The following TRAM1 variants were observed in gnomAD, a reference collection of about 807,000 sequenced individuals.
TRAM1 encodes the protein translocating chain-associated membrane protein 1.
Under a neutral mutation model 48.7 loss-of-function variants are expected in TRAM1, and 17 were observed. That is an observed-to-expected ratio of 0.35 (90% CI 0.24 to 0.52). The LOEUF is 0.52. Among genes scored for constraint, TRAM1 ranks in the 20% least tolerant of loss-of-function variants. The probability of loss-of-function intolerance (pLI) is 0.94; values close to 1 mark genes in which losing one functional copy is unlikely to be tolerated. For synonymous variants in TRAM1, 182 were observed against 154.0 expected, an observed-to-expected ratio of 1.18 and a Z score of -1.34; for missense variants, 351 against 441.5, an observed-to-expected ratio of 0.79 and a Z score of 1.84.
At chr8:70,587,047 A>T in intron 7 of TRAM1, 48 bp from the exon 8 acceptor site, 1 of 1,611,030 alleles carries the variant, frequency 6.2e-7, no homozygotes, top group Non-Finnish European at 8.5e-7. Flanking sequence ...ATCAATTAAG[A>T]CAGGTCAGCA....
rs1817008701 is a variant in TRAM1, at chr8:70,578,514, C to T, written c.1052-3509G>A. ...GTGGCATGGTGACATGTGCTTGTAG[C>T]CCCAGCTACTCAGGAGGCTGAGGTG... On this transcript the variant is annotated intron_variant, in intron 10 of 10. Transcript: ENST00000262213. 2.0e-5 allele frequency among the ~76,000 whole-genome samples: 3 copies of T among 152,286 alleles called. 1 individual carries two copies. The highest frequency in any genetic ancestry group is 3.9e-4 in the East Asian group (2 of 5,170).
chr8:70,586,278 T>TGGGGGGG (rs57676521), intron 8 of TRAM1, among the ~76,000 whole-genome samples: 1 of 87,946 alleles, frequency 1.1e-5, no homozygotes, highest in African/African-American at 4.7e-5. Flanking sequence ...TGTTGTGGGG[T>TGGGGGGG]GGGGGAGGGG....
Position 70,582,240 on chromosome 8 carries a change from T to C in TRAM1, c.1051+924A>G, listed in dbSNP as rs186186478. On this transcript the variant is annotated intron_variant, in intron 10 of 10. Transcript: ENST00000262213. The stretch of plus-strand genomic sequence containing the variant: ...AATCGATCTACAGATTTGATGTTAT[T>C]TCAACTTAATATCCCAGCAACTTTT... Among the ~76,000 whole-genome samples, 40 of 152,228 alleles carry C rather than the reference T, an allele frequency of 2.6e-4. 1 individual carries two copies. Among genetic ancestry groups the C allele is most frequent in the African/African-American group, 9.4e-4 (39 of 41,552 alleles).
chr8:70,600,309 A>C (rs1383168808), intron 1 of TRAM1, among the ~76,000 whole-genome samples: 1 of 152,216 alleles, frequency 6.6e-6, no homozygotes, highest in Non-Finnish European at 1.5e-5. Flanking sequence ...TTCATCCTTA[A>C]TTTTAAGATT....
intron 6 of TRAM1, among the ~76,000 whole-genome samples, chr8:70,588,157 C>T (rs1817266783): frequency 6.6e-6 from 1 of 152,082 alleles, no homozygotes; most frequent in Admixed American, 6.6e-5. Context: ...TTCGAGGTTA[C>T]AGTAAGCTAT....
intron 1 of TRAM1, among the ~76,000 whole-genome samples, chr8:70,602,671 T>C (rs1331359242): frequency 6.6e-6 from 1 of 152,150 alleles, no homozygotes; most frequent in Non-Finnish European, 1.5e-5. Context: ...GGAAAGGAGA[T>C]GGCCAGGGAA....
At chr8:70,588,344 G>C (rs550632753) in intron 6 of TRAM1, among the ~76,000 whole-genome samples, 1 of 152,294 alleles carries the variant, frequency 6.6e-6, no homozygotes, top group East Asian at 1.9e-4. Flanking sequence ...CCAGCACTTT[G>C]GGAGGCTGAG....
chr8:70,583,072 A>T (rs1448308953), intron 10 of TRAM1, 92 bp downstream of exon 10: 2 of 1,347,730 alleles, frequency 1.5e-6, no homozygotes, highest in African/African-American at 3.0e-5. Context: ...TTTCTTTATA[A>T]GACACCTTAA....
intron 10 of TRAM1, among the ~76,000 whole-genome samples, chr8:70,582,487 T>A: frequency 7.5e-6 from 1 of 133,904 alleles, no homozygotes; most frequent in Non-Finnish European, 1.6e-5. Flanking sequence ...ATTAAGAAAA[T>A]GCAAAGGGCC....
At chr8:70,588,322 A>C (rs1347340108) in intron 6 of TRAM1, among the ~76,000 whole-genome samples, 1 of 152,206 alleles carries the variant, frequency 6.6e-6, no homozygotes, top group Non-Finnish European at 1.5e-5. Flanking sequence ...ACCATGACTC[A>C]CACTTGTCAT....
Position 70,591,590 on chromosome 8 carries a change from A to G in TRAM1, c.570+2916T>C, listed in dbSNP as rs572554405. Reference sequence around the variant, plus strand: ...TTCCAACATCTGTTTATTAAAAAATATAACATACTTCAAAAAATTTATTTT... The same window carrying G: ...TTCCAACATCTGTTTATTAAAAAATGTAACATACTTCAAAAAATTTATTTT... On this transcript the variant is annotated intron_variant, in intron 6 of 10. Coordinates refer to ENST00000262213, the MANE Select transcript of TRAM1 (RefSeq NM_014294.6). Among the ~76,000 whole-genome samples, 7 of 152,202 alleles carry G rather than the reference A, an allele frequency of 4.6e-5. No homozygotes were observed. The South Asian group carries it at 1.4e-3, about 31-fold the overall frequency.
In TRAM1 at chr8:70,608,157, T is replaced by G; in HGVS notation, c.43A>C (p.Ser15Arg). 1 of 1,599,432 alleles carries G rather than the reference T, an allele frequency of 6.3e-7. No individual in the cohort carries two copies. Among genetic ancestry groups the G allele is most frequent in the Non-Finnish European group, 8.5e-7 (1 of 1,173,938 alleles). ...KKSTKSPPVL[S>R]HEFVLQNHAD... ...TGATTCTGCAGGACGAATTCGTGGC[T>G]CAGCACTGGGGGGCTCTTGGTGCTT... The change falls in exon 1 of 11, where the codon AGC (serine) becomes CGC (arginine). Residue 15 changes from serine to arginine, a missense_variant. Ser to Arg is a moderately radical substitution (Grantham distance 110). Coordinates refer to ENST00000262213, the MANE Select transcript of TRAM1 (RefSeq NM_014294.6).
intron 6 of TRAM1, among the ~76,000 whole-genome samples, chr8:70,588,267 C>T (rs781208343): frequency 6.6e-6 from 1 of 151,894 alleles, no homozygotes; most frequent in African/African-American, 2.4e-5. Context: ...GGGGTCACAC[C>T]AGCATCTTTT....
intron 10 of TRAM1, among the ~76,000 whole-genome samples, chr8:70,582,534 A>G (rs1345587730): frequency 1.3e-5 from 2 of 151,558 alleles, no homozygotes; most frequent in African/African-American, 4.8e-5. Flanking sequence ...AAAAAAAAAA[A>G]GGCAGGGCTG....
At chr8:70,597,668 C>CAAAAAAAAAAAAA (rs35449323) in intron 4 of TRAM1, among the ~76,000 whole-genome samples, 21 of 35,982 alleles carry the variant, frequency 5.8e-4, no homozygotes, top group Admixed American at 2.7e-3. Context: ...GACTCTGTCT[C>CAAAAAAAAAAAAA]AAAAAAAAAA....
At chr8:70,579,440 C>T (rs895127816) in intron 10 of TRAM1, among the ~76,000 whole-genome samples, 3 of 152,142 alleles carry the variant, frequency 2.0e-5, no homozygotes, top group South Asian at 2.1e-4. Flanking sequence ...TTATTTAGCA[C>T]GTAACTATAT....
chr8:70,586,390 T>G (rs1212096334), intron 8 of TRAM1, among the ~76,000 whole-genome samples: 1 of 151,750 alleles, frequency 6.6e-6, no homozygotes, highest in Non-Finnish European at 1.5e-5. Flanking sequence ...ACCTGCACAT[T>G]GTGCACATGT....
Position 70,593,229 on chromosome 8 carries a change from G to A in TRAM1, c.570+1277C>T, listed in dbSNP as rs1181772355. ...AATCCTAGCAGACAACATGAGTAAC[G>A]ACAGATACACAGAACACAGACACGA... On this transcript the variant is annotated intron_variant, in intron 6 of 10. Coordinates refer to ENST00000262213, the MANE Select transcript of TRAM1 (RefSeq NM_014294.6). Among the ~76,000 whole-genome samples the A allele has an allele frequency of 2.6e-5, 4 of 152,008 alleles. No individual in the cohort carries two copies. The South Asian group carries it at 8.3e-4, about 32-fold the overall frequency.
chr8:70,584,711 C>T (rs1450618092), intron 8 of TRAM1, among the ~76,000 whole-genome samples: 1 of 152,068 alleles, frequency 6.6e-6, no homozygotes, highest in Non-Finnish European at 1.5e-5. Context: ...ACCTAGGAAT[C>T]CAACTTACAA....
Sources: gnomAD v4.1 joint callset for allele counts (sites outside exome capture counted in the v4.1 genomes callset) on GRCh38, gnomAD v4.1.1 for gene constraint, MANE v1.5 for transcripts, NCBI Gene and HGNC (gene_info 2026-07-23, HGNC 2026-07-21) for gene names.